Variants in DLGAP2 observed in about 807,000 individuals in gnomAD.
The protein encoded by DLGAP2 is disks large-associated protein 2.
Under a neutral mutation model 100.3 loss-of-function variants are expected in DLGAP2, and 26 were observed. That is an observed-to-expected ratio of 0.26 (90% CI 0.19 to 0.36). DLGAP2 has a LOEUF of 0.36. Among genes scored for constraint, DLGAP2 ranks in the 10% least tolerant of loss-of-function variants. The pLI, the probability that DLGAP2 is intolerant of heterozygous loss-of-function variation, is 1.00. For missense variants in DLGAP2, 1,858 were observed against 1,453.2 expected, an observed-to-expected ratio of 1.28 and a Z score of -4.53; for synonymous variants, 886 against 630.1, an observed-to-expected ratio of 1.41 and a Z score of -6.08.
At chr8:905,460 C>T (rs180885801) in intron 1 of DLGAP2, among the ~76,000 whole-genome samples, 7 of 152,180 alleles carry the variant, frequency 4.6e-5, no homozygotes, top group Admixed American at 2.6e-4. Context: ...TCCCCCCCCA[C>T]AGCCCTTTTT....
intron 2 of DLGAP2, among the ~76,000 whole-genome samples, chr8:1,237,709 G>T (rs1180237622): frequency 4.1e-5 from 4 of 97,132 alleles, no homozygotes; most frequent in African/African-American, 1.8e-4. Flanking sequence ...TCTCTCACAT[G>T]GTGCCATGTC....
chr8:1,655,482 C>T lies in DLGAP2; in HGVS notation c.1811-12847C>T, dbSNP rs117614903. Among the ~76,000 whole-genome samples, 573 of 152,306 alleles carry T rather than the reference C, an allele frequency of 3.8e-3. 3 individuals carry two copies. The highest frequency in any genetic ancestry group is 6.5e-3 in the Non-Finnish European group (441 of 68,022). On this transcript the variant is annotated intron_variant, in intron 8 of 14. Transcript: ENST00000637795. ...TTCAAGGGATATTTTATCTTGATTA[C>T]GTATTTGTGCCTTATACGATGGAAT...
chr8:1,241,309 T>G (rs931169586), intron 2 of DLGAP2, among the ~76,000 whole-genome samples: 3 of 151,924 alleles, frequency 2.0e-5, no homozygotes, highest in Admixed American at 2.0e-4. Flanking sequence ...GAGCCGTGTC[T>G]AGTTCTCTCA....
intron 2 of DLGAP2, among the ~76,000 whole-genome samples, chr8:1,141,586 A>G (rs961886497): frequency 6.6e-6 from 1 of 152,242 alleles, no homozygotes; most frequent in African/African-American, 2.4e-5. Context: ...ATAAGAGATT[A>G]CACCAATTCT....
At chr8:1,346,018 G>A (rs1343306377) in intron 3 of DLGAP2, among the ~76,000 whole-genome samples, 1 of 152,236 alleles carries the variant, frequency 6.6e-6, no homozygotes, top group Non-Finnish European at 1.5e-5. Context: ...GTCCAGTGCA[G>A]ATGGGACAGG....
intron 2 of DLGAP2, among the ~76,000 whole-genome samples, chr8:942,311 C>T (rs544330954): frequency 1.3e-5 from 2 of 152,340 alleles, no homozygotes; most frequent in African/African-American, 4.8e-5. Flanking sequence ...CACATTTATT[C>T]TTCCCACTTC....
rs535356165 is a variant in DLGAP2 at position 777,719 on chromosome 8, C to T, written c.18+39894C>T. Among the ~76,000 whole-genome samples, 122 of 152,178 alleles carry T rather than the reference C, an allele frequency of 8.0e-4. 1 individual carries two copies. Among genetic ancestry groups the T allele is most frequent in the Non-Finnish European group, 1.4e-3 (93 of 68,002 alleles). On this transcript the variant is annotated intron_variant, in intron 1 of 14. Coordinates refer to ENST00000637795, the MANE Select transcript of DLGAP2 (RefSeq NM_001346810.2). ...CTTGTAGGGTTTCTGCCGAGAGATC[C>T]GCTGTTAGTCTGATGGGCTTCCCTT...
chr8:1,259,157 T>C (rs1799290663), intron 3 of DLGAP2, among the ~76,000 whole-genome samples: 2 of 152,256 alleles, frequency 1.3e-5, no homozygotes, highest in African/African-American at 4.8e-5. Context: ...CAAATTTCCA[T>C]CAGTTTCTGT....
intron 10 of DLGAP2, among the ~76,000 whole-genome samples, chr8:1,675,243 T>C (rs1798784594): frequency 6.6e-6 from 1 of 152,236 alleles, no homozygotes; most frequent in Admixed American, 6.5e-5. Flanking sequence ...TCTCGCGCTC[T>C]GTCTTCTGTG....
At chr8:1,431,182 T>C (rs932027009) in intron 3 of DLGAP2, among the ~76,000 whole-genome samples, 1 of 152,234 alleles carries the variant, frequency 6.6e-6, no homozygotes, top group African/African-American at 2.4e-5. Flanking sequence ...AGCTGAAATG[T>C]CTTTCATGCC....
intron 8 of DLGAP2, among the ~76,000 whole-genome samples, chr8:1,651,598 C>T (rs1798165711): frequency 6.6e-6 from 1 of 152,162 alleles, no homozygotes; most frequent in Non-Finnish European, 1.5e-5. Flanking sequence ...CCATGACCAC[C>T]CCACTCCTGC....
chr8:1,182,148 A>C (rs1222337637), intron 2 of DLGAP2, among the ~76,000 whole-genome samples: 1 of 152,224 alleles, frequency 6.6e-6, no homozygotes, highest in Admixed American at 6.5e-5. Context: ...GTGGCGAGTC[A>C]TGTGTGGCTG....
At chr8:1,435,007 AT>A (rs919556930) in intron 3 of DLGAP2, among the ~76,000 whole-genome samples, 11 of 152,146 alleles carry the variant, frequency 7.2e-5, no homozygotes, top group African/African-American at 2.7e-4. Flanking sequence ...ACTCTGTGTT[AT>A]TCTTCCTAAA....
At chr8:943,854 G>T (rs1326898224) in intron 2 of DLGAP2, among the ~76,000 whole-genome samples, 1 of 152,246 alleles carries the variant, frequency 6.6e-6, no homozygotes, top group East Asian at 1.9e-4. Flanking sequence ...GTTAATGAAG[G>T]TATCTGAACA....
intron 1 of DLGAP2, among the ~76,000 whole-genome samples, chr8:846,369 C>T (rs1797071882): frequency 6.6e-6 from 1 of 152,174 alleles, no homozygotes; most frequent in Non-Finnish European, 1.5e-5. Flanking sequence ...AGATTCTGCA[C>T]GTGAGTGAGA....
intron 3 of DLGAP2, among the ~76,000 whole-genome samples, chr8:1,325,243 C>G (rs935226472): frequency 1.3e-5 from 2 of 152,206 alleles, no homozygotes. Flanking sequence ...AGTCATTCCA[C>G]GACCCCAAGA....
chr8:1,508,268 C>A (rs1800003613), intron 4 of DLGAP2, among the ~76,000 whole-genome samples: 1 of 149,414 alleles, frequency 6.7e-6, no homozygotes, highest in Admixed American at 6.6e-5. Context: ...CCCGGGCTGC[C>A]CCCTGCCATA....
At chr8:1,076,110 A>C (rs12679046) in intron 2 of DLGAP2, among the ~76,000 whole-genome samples, 23,939 of 152,128 alleles carry the variant, frequency 0.16, 2,370 homozygotes, top group Non-Finnish European at 0.23. Flanking sequence ...TAGAAAATCC[A>C]CAAGTGATTT....
chr8:1,463,845 T>C (rs1397632379), intron 3 of DLGAP2, among the ~76,000 whole-genome samples: 2 of 152,196 alleles, frequency 1.3e-5, no homozygotes, highest in African/African-American at 4.8e-5. Flanking sequence ...TTTGAGCTGA[T>C]TCACAAGCTC....
Sources: allele counts gnomAD v4.1 joint callset (sites outside exome capture counted in the v4.1 genomes callset), GRCh38; gene constraint gnomAD v4.1.1; transcripts MANE v1.5; gene names NCBI Gene and HGNC (gene_info 2026-07-23, HGNC 2026-07-21).